The following ARHGAP6 variants were observed in gnomAD, a reference collection of about 807,000 sequenced individuals.
ARHGAP6 encodes Rho GTPase activating protein 6.
Under a neutral mutation model 55.7 loss-of-function variants are expected in ARHGAP6, and 16 were observed. The observed-to-expected ratio is 0.29, with a 90% CI of 0.19 to 0.44. ARHGAP6 has a LOEUF of 0.44. ARHGAP6 is among the 20% of genes least tolerant of loss of function. The probability of loss-of-function intolerance (pLI) is 1.00; values close to 1 mark genes in which losing one functional copy is unlikely to be tolerated. For missense variants in ARHGAP6, 698 were observed against 808.9 expected, an observed-to-expected ratio of 0.86 and a Z score of 1.66; for synonymous variants, 382 against 360.9, an observed-to-expected ratio of 1.06 and a Z score of -0.66.
intron 2 of ARHGAP6, among the ~76,000 whole-genome samples, chrX:11,244,950 C>G (rs753302506): frequency 1.8e-5 from 2 of 112,436 alleles, no homozygotes; most frequent in South Asian, 7.5e-4. Context: ...GAATCCCACA[C>G]CTGCTTGGCA....
At chrX:11,430,713 G>A (rs1036144609) in intron 1 of ARHGAP6, among the ~76,000 whole-genome samples, 2 of 111,558 alleles carry the variant, frequency 1.8e-5, no homozygotes, top group Non-Finnish European at 3.8e-5. Flanking sequence ...TGTTCACTTG[G>A]TCATTATTCA....
At chrX:11,639,056 C>A (rs1156908392) in intron 1 of ARHGAP6, among the ~76,000 whole-genome samples, 1 of 110,647 alleles carries the variant, frequency 9.0e-6, no homozygotes, top group Non-Finnish European at 1.9e-5. Context: ...GGAATTTAAA[C>A]CCAGAGTCTA....
chrX:11,556,078 C>T (rs1265366241), intron 1 of ARHGAP6, among the ~76,000 whole-genome samples: 1 of 111,428 alleles, frequency 9.0e-6, no homozygotes, highest in Non-Finnish European at 1.9e-5. Context: ...GAAATCCCTA[C>T]TCTGCGCCAA....
At chrX:11,214,596 C>A (rs560204578) in intron 2 of ARHGAP6, among the ~76,000 whole-genome samples, 2 of 113,021 alleles carry the variant, frequency 1.8e-5, no homozygotes, top group East Asian at 2.8e-4. Flanking sequence ...GGATGAGGAG[C>A]TGGAATATCG....
At chrX:11,645,744 A>G (rs2052519670) in intron 1 of ARHGAP6, among the ~76,000 whole-genome samples, 1 of 111,362 alleles carries the variant, frequency 9.0e-6, no homozygotes, top group Non-Finnish European at 1.9e-5. Context: ...GAAAGAGGAG[A>G]AGGAGAGGAG....
intron 1 of ARHGAP6, among the ~76,000 whole-genome samples, chrX:11,393,048 A>G (rs1447709454): frequency 9.0e-6 from 1 of 111,526 alleles, no homozygotes; most frequent in African/African-American, 3.2e-5. Context: ...ATAGTCAGTT[A>G]GTTTGTATTA....
chrX:11,242,511 G>A (rs920528569), intron 2 of ARHGAP6, among the ~76,000 whole-genome samples: 1 of 111,615 alleles, frequency 9.0e-6, no homozygotes, highest in South Asian at 3.8e-4. Flanking sequence ...GACTTTTCAT[G>A]ATCTAGGAGC....
intron 9 of ARHGAP6, among the ~76,000 whole-genome samples, chrX:11,163,147 T>TCAA (rs1310426195): frequency 8.9e-6 from 1 of 112,123 alleles, no homozygotes; most frequent in African/African-American, 3.2e-5. Context: ...ATCTGGAGAC[T>TCAA]CAACTCCTTA....
chrX:11,553,739 A>T (rs905905398), intron 1 of ARHGAP6, among the ~76,000 whole-genome samples: 1 of 112,163 alleles, frequency 8.9e-6, no homozygotes, highest in South Asian at 3.7e-4. Context: ...AAATGGATGA[A>T]TAAGGAAAGG....
At chrX:11,397,848 C>T (rs1353131442) in intron 1 of ARHGAP6, among the ~76,000 whole-genome samples, 1 of 111,955 alleles carries the variant, frequency 8.9e-6, no homozygotes, top group Non-Finnish European at 1.9e-5. Context: ...CACACCACTG[C>T]ACTCCAGCCT....
chrX:11,557,316 A>G, intron 1 of ARHGAP6, among the ~76,000 whole-genome samples: 1 of 112,266 alleles, frequency 8.9e-6, no homozygotes, highest in South Asian at 3.7e-4. Context: ...ACTCATGATG[A>G]GAAAGATAGC....
At chrX:11,572,908 G>A (rs765282915) in intron 1 of ARHGAP6, among the ~76,000 whole-genome samples, 1 of 112,029 alleles carries the variant, frequency 8.9e-6, no homozygotes, top group African/African-American at 3.2e-5. Flanking sequence ...GTATCTCATT[G>A]TGGTTTTGAT....
chrX:11,539,493 T>C (rs1200044493), intron 1 of ARHGAP6, among the ~76,000 whole-genome samples: 2 of 112,145 alleles, frequency 1.8e-5, no homozygotes, highest in Admixed American at 9.4e-5. Flanking sequence ...GTAATTTCCA[T>C]GGCATTCTGC....
chrX:11,323,568 T>C (rs1375850299), intron 1 of ARHGAP6, among the ~76,000 whole-genome samples: 2 of 112,029 alleles, frequency 1.8e-5, no homozygotes, highest in Non-Finnish European at 3.8e-5. Flanking sequence ...AAAACTCATT[T>C]TAAGAAGTGA....
At chrX:11,551,549 T>C (rs751564926) in intron 1 of ARHGAP6, among the ~76,000 whole-genome samples, 105 of 111,810 alleles carry the variant, frequency 9.4e-4, no homozygotes, top group Non-Finnish European at 1.7e-3. Flanking sequence ...GGATGAATTG[T>C]GTCTCCAAAA....
Position 11,169,631 on chromosome X carries a change from G to A in ARHGAP6, c.1683C>T (p.Asn561=). Residue 561 remains asparagine (N), a synonymous_variant, in exon 9 of 13, where the codon AAC becomes AAT. Transcript: ENST00000337414. ...SLNLATIFGP[N]LLHKQKSSDK... is the part of the protein sequence containing the mutation. ...CTGATGACTTCTGCTTGTGCAGCAG[G>A]TTGGGTCCAAATATGGTGGCTAAGT... 2 of 1,207,580 alleles carry A rather than the reference G, an allele frequency of 1.7e-6. No individual in the cohort carries two copies. The highest frequency in any genetic ancestry group is 3.6e-5 in the South Asian group (2 of 56,208).
At chrX:11,253,653 G>A (rs1445344139) in intron 2 of ARHGAP6, among the ~76,000 whole-genome samples, 1 of 112,009 alleles carries the variant, frequency 8.9e-6, no homozygotes, top group Non-Finnish European at 1.9e-5. Context: ...TGTAATCCCA[G>A]CACAGCACTT....
intron 1 of ARHGAP6, among the ~76,000 whole-genome samples, chrX:11,419,509 T>C (rs1237306866): frequency 8.9e-6 from 1 of 112,287 alleles, no homozygotes; most frequent in Non-Finnish European, 1.9e-5. Context: ...AATAATACTA[T>C]GTGTTATGTT....
chrX:11,294,480 G>A (rs1440437246), intron 1 of ARHGAP6, among the ~76,000 whole-genome samples: 1 of 111,440 alleles, frequency 9.0e-6, no homozygotes, highest in Non-Finnish European at 1.9e-5. Context: ...ATGACTAAGG[G>A]CTGTATAGGC....
Sources: gnomAD v4.1 joint callset for allele counts (sites outside exome capture counted in the v4.1 genomes callset) on GRCh38, gnomAD v4.1.1 for gene constraint, MANE v1.5 for transcripts, NCBI Gene and HGNC (gene_info 2026-07-23, HGNC 2026-07-21) for gene names.